Variants in LAMA1 observed in about 807,000 individuals in gnomAD.
The protein encoded by LAMA1 is laminin subunit alpha-1.
LAMA1 carries 219 observed loss-of-function variants against 348.7 expected under a neutral mutation model. The observed-to-expected ratio is 0.63, with a 90% CI of 0.56 to 0.70. LAMA1 has a LOEUF of 0.70. Ranked by LOEUF, LAMA1 falls within the 30% of genes least tolerant of loss-of-function variation. The pLI is 0.00. For synonymous variants in LAMA1, 1,487 were observed against 1,491.0 expected (o/e 1.00, Z 0.06); for missense variants, 3,744 against 3,888.0 (o/e 0.96, Z 0.99).
At chr18:6,954,074 G>A (rs2057562851) in intron 57 of LAMA1, 1 of 152,262 alleles carries the variant, frequency 6.6e-6, no homozygotes, top group South Asian at 2.1e-4. Context: ...CGGTGCACAG[G>A]GCTCTGAGCT....
intron 1 of LAMA1, among the ~76,000 whole-genome samples, chr18:7,085,137 A>G (rs184056793): frequency 6.6e-6 from 1 of 152,282 alleles, no homozygotes; most frequent in East Asian, 1.9e-4. Flanking sequence ...ATTCTTAGCT[A>G]CAGGATCTGA....
chr18:6,997,891 G>A lies in LAMA1; in HGVS notation c.4664-7C>T. ...ACACACTCATCATCACAGGCTACAA[G>A]ACAAATTTTTAAAAAGGAGAGTTAA... On this transcript the variant is annotated splice_region_variant and splice_polypyrimidine_tract_variant and intron_variant, in intron 32 of 62. Coordinates refer to ENST00000389658, the MANE Select transcript of LAMA1 (RefSeq NM_005559.4). The A allele has an allele frequency of 6.2e-7, 1 of 1,613,760 alleles. No individual in the cohort carries two copies. The highest frequency in any genetic ancestry group is 8.5e-7 in the Non-Finnish European group (1 of 1,179,970).
chr18:7,056,555 AG>A (rs1303710986), intron 3 of LAMA1, among the ~76,000 whole-genome samples: 6 of 152,206 alleles, frequency 3.9e-5, no homozygotes, highest in African/African-American at 1.2e-4. Flanking sequence ...AGGTCCCAAA[AG>A]AAACCAGGTG....
intron 44 of LAMA1, 59 bp downstream of exon 44, chr18:6,977,668 C>T: frequency 6.2e-7 from 1 of 1,604,306 alleles, no homozygotes; most frequent in East Asian, 2.2e-5. Context: ...TGCATGAATT[C>T]CCTGGGACCC....
chr18:7,109,726 A>G (rs545272820), intron 1 of LAMA1, among the ~76,000 whole-genome samples: 1 of 152,260 alleles, frequency 6.6e-6, no homozygotes, highest in East Asian at 1.9e-4. Context: ...AGGTGTGGAG[A>G]AGGGCGGGGT....
intron 1 of LAMA1, among the ~76,000 whole-genome samples, chr18:7,116,946 G>A (rs1005459675): frequency 1.3e-5 from 2 of 152,088 alleles, no homozygotes; most frequent in Non-Finnish European, 2.9e-5. Context: ...TTCTCCGCTG[G>A]TCCCTCGCCC....
intron 51 of LAMA1, 129 bp downstream of exon 51, chr18:6,964,533 C>T: frequency 8.8e-7 from 1 of 1,137,486 alleles, no homozygotes; most frequent in Non-Finnish European, 1.3e-6. Context: ...GGACTTGCAG[C>T]CTCTAGAACT....
chr18:7,011,172 C>A lies in LAMA1; in HGVS notation c.3687+128G>T, dbSNP rs892947911. On this transcript the variant is annotated intron_variant, in intron 25 of 62. Coordinates refer to ENST00000389658, the MANE Select transcript of LAMA1 (RefSeq NM_005559.4). ...TTTATGAGCATTAAACTTCTCTGAT[C>A]CCACTTAAAAGAGGAAATTAATAAC... 3.6e-5 allele frequency: 37 copies of A among 1,031,784 alleles called. No individual in the cohort carries two copies. The South Asian group carries it at 4.0e-4, about 11-fold the overall frequency. The allele number at this position is 1,031,784 out of a possible 1,614,324, so 63.9% of individuals were successfully genotyped here.
At chr18:6,964,585 G>A (rs2057623765) in intron 51 of LAMA1, 77 bp downstream of exon 51, 2 of 1,542,948 alleles carry the variant, frequency 1.3e-6, no homozygotes, top group African/African-American at 2.7e-5. Context: ...CCTGGTTTGT[G>A]ATACAGTCCA....
At chr18:7,011,848 T>A in intron 24 of LAMA1, 147 bp downstream of exon 24, 1 of 928,122 alleles carries the variant, frequency 1.1e-6, no homozygotes, top group Non-Finnish European at 1.6e-6. Context: ...GAGCTCTGAT[T>A]CCTGTTCTAA....
chr18:6,957,025 C>G (rs1312389345), intron 55 of LAMA1: 1 of 454,400 alleles, frequency 2.2e-6, no homozygotes, highest in South Asian at 2.1e-5. Flanking sequence ...CTGAGCACCC[C>G]CCAGGTCAGC....
intron 1 of LAMA1, among the ~76,000 whole-genome samples, chr18:7,084,074 G>GA (rs35419107): frequency 0.33 from 16,466 of 49,716 alleles, 3,266 homozygotes; most frequent in East Asian, 0.69. Flanking sequence ...TTCTGTCTCA[G>GA]AAAAAAAAAA....
At position 6,983,343 on chromosome 18, in the gene LAMA1, T is replaced by G. The variant is rs2057720590; in HGVS notation, c.5661-109A>C. On this transcript the variant is annotated intron_variant, in intron 39 of 62. Coordinates refer to ENST00000389658, the MANE Select transcript of LAMA1 (RefSeq NM_005559.4). ...AGTTTTGAAAGCCTCCTATCTTCTT[T>G]CCCCTTAGAAGAGTATCATCCATAA... The G allele has an allele frequency of 3.6e-6, 4 of 1,108,540 alleles. No homozygotes were observed. In the Admixed American group the frequency reaches 7.5e-5, roughly 21 times the overall value. 68.7% of individuals were successfully genotyped at this position (1,108,540 alleles called of 1,614,324 possible).
intron 62 of LAMA1, among the ~76,000 whole-genome samples, 172 bp from the exon 63 acceptor site, chr18:6,942,411 A>G (rs2057502877): frequency 6.6e-6 from 1 of 152,098 alleles, no homozygotes; most frequent in South Asian, 2.1e-4. Context: ...AGCAGAATTC[A>G]GAGAAAACTT....
In LAMA1 at chr18:7,027,546, AAC is replaced by A. The variant is rs1164998898; in HGVS notation, c.2275-1442_2275-1441del. Among the ~76,000 whole-genome samples, 1,315 of 144,722 alleles carry A rather than the reference AAC, an allele frequency of 9.1e-3. 22 individuals are homozygous for A. Among genetic ancestry groups the A allele is most frequent in the African/African-American group, 0.035 (1,241 of 35,644 alleles). 94.9% of individuals were successfully genotyped at this position (144,722 alleles called of 152,430 possible). On this transcript the variant is annotated intron_variant, in intron 16 of 62. Transcript: ENST00000389658. ...ACTAGACATGAGAAACAACAACAAC[AAC>A]AAAAAAAAGCGATCCACAATCAGGG...
At chr18:7,095,327 T>C (rs2058256724) in intron 1 of LAMA1, among the ~76,000 whole-genome samples, 2 of 152,198 alleles carry the variant, frequency 1.3e-5, no homozygotes, top group East Asian at 3.8e-4. Context: ...CTCTCTTAAA[T>C]CACATTTATG....
chr18:7,114,237 C>T (rs906094824), intron 1 of LAMA1, among the ~76,000 whole-genome samples: 4 of 152,194 alleles, frequency 2.6e-5, no homozygotes, highest in Admixed American at 2.0e-4. Flanking sequence ...CCATCATGCA[C>T]TGAGTACCTA....
At position 7,049,247 on chromosome 18, in the gene LAMA1, G is replaced by A. The variant is rs1568046264; in HGVS notation, c.599C>T (p.Ser200Leu). 1 of 1,613,766 alleles carries A rather than the reference G, an allele frequency of 6.2e-7. No individual in the cohort carries two copies. Among genetic ancestry groups the A allele is most frequent in the East Asian group, 2.2e-5 (1 of 44,870 alleles). Residue 200 changes from serine to leucine, a missense_variant, in exon 5 of 63, where the codon TCA becomes TTA. Transcript: ENST00000389658. ...AGCGCTTGGTCTGCCATTGATGAGT[G>A]ATGTATGAATCTGAAGATGAAGGCA... is the stretch of plus-strand genomic sequence containing the variant. ...VPLEHGEIHT[S>L]LINGRPSADD... is the part of the protein sequence containing the mutation.
chr18:7,009,873 C>T (rs1007535997), intron 26 of LAMA1, among the ~76,000 whole-genome samples: 1 of 152,208 alleles, frequency 6.6e-6, no homozygotes, highest in African/African-American at 2.4e-5. Flanking sequence ...GTGGCACAAT[C>T]TCGGCTCACT....
Sources: allele counts gnomAD v4.1 joint callset (sites outside exome capture counted in the v4.1 genomes callset), GRCh38; gene constraint gnomAD v4.1.1; transcripts MANE v1.5; gene names NCBI Gene and HGNC (gene_info 2026-07-23, HGNC 2026-07-21).